The following PLCB4 variants were observed in gnomAD, a reference collection of about 807,000 sequenced individuals.
PLCB4 encodes 1-phosphatidylinositol 4,5-bisphosphate phosphodiesterase beta-4.
PLCB4 carries 77 observed loss-of-function variants against 178.8 expected under a neutral mutation model. That is an observed-to-expected ratio of 0.43 (90% CI 0.36 to 0.52). The LOEUF (loss-of-function observed/expected upper bound fraction) is 0.52. Ranked by LOEUF, PLCB4 falls within the 20% of genes least tolerant of loss-of-function variation. PLCB4 has a pLI of 0.00. For missense variants in PLCB4, 1,024 were observed against 1,453.4 expected (o/e 0.70, Z 4.80); for synonymous variants, 496 against 490.8 (o/e 1.01, Z -0.14).
chr20:9,265,131 G>A (rs558742095), intron 3 of PLCB4, among the ~76,000 whole-genome samples: 4 of 152,152 alleles, frequency 2.6e-5, no homozygotes, highest in Non-Finnish European at 4.4e-5. Context: ...ACCAAAATCT[G>A]TTCAGTGTTG....
At chr20:9,333,191 GT>G (rs2031952397) in intron 4 of PLCB4, among the ~76,000 whole-genome samples, 1 of 152,086 alleles carries the variant, frequency 6.6e-6, no homozygotes, top group South Asian at 2.1e-4. Flanking sequence ...TAATTTGTTA[GT>G]TTTATGGTGC....
At chr20:9,232,605 T>C (rs2093945309) in intron 3 of PLCB4, among the ~76,000 whole-genome samples, 1 of 152,158 alleles carries the variant, frequency 6.6e-6, no homozygotes, top group Admixed American at 6.6e-5. Flanking sequence ...TTCACTTATT[T>C]AGTTGAATTA....
At chr20:9,408,426 A>T (rs578152868) in intron 22 of PLCB4, among the ~76,000 whole-genome samples, 1 of 152,354 alleles carries the variant, frequency 6.6e-6, no homozygotes, top group Admixed American at 6.5e-5. Flanking sequence ...CATCATTATC[A>T]TCAAAAATTC....
intron 2 of PLCB4, among the ~76,000 whole-genome samples, chr20:9,121,454 C>T (rs572926552): frequency 3.7e-4 from 57 of 152,224 alleles, no homozygotes; most frequent in African/African-American, 1.3e-3. Flanking sequence ...CCATTCTCCA[C>T]CCTTTAATTT....
chr20:9,432,192 T>C (rs2041466839), intron 28 of PLCB4, among the ~76,000 whole-genome samples: 1 of 152,234 alleles, frequency 6.6e-6, no homozygotes, highest in Admixed American at 6.5e-5. Context: ...TATGTATTCA[T>C]GTGCAAAAAT....
intron 36 of PLCB4, among the ~76,000 whole-genome samples, chr20:9,470,901 A>T (rs948949686): frequency 3.9e-5 from 6 of 152,190 alleles, no homozygotes; most frequent in Non-Finnish European, 5.9e-5. Context: ...GCTGTTTTTT[A>T]AAAAATAATT....
intron 3 of PLCB4, among the ~76,000 whole-genome samples, chr20:9,294,081 T>A (rs1414695722): frequency 6.6e-6 from 1 of 152,190 alleles, no homozygotes; most frequent in African/African-American, 2.4e-5. Flanking sequence ...TCTCCTCAGC[T>A]CATTTGTCAA....
chr20:9,263,908 C>T (rs1381085485), intron 3 of PLCB4, among the ~76,000 whole-genome samples: 1 of 152,174 alleles, frequency 6.6e-6, no homozygotes, highest in Non-Finnish European at 1.5e-5. Context: ...AGGCAAGTAT[C>T]AGCAAGTTCA....
chr20:9,145,160 A>T (rs184761995), intron 2 of PLCB4, among the ~76,000 whole-genome samples: 5 of 152,118 alleles, frequency 3.3e-5, no homozygotes, highest in African/African-American at 1.2e-4. Context: ...ATATTTCTCC[A>T]GTATGTTTTT....
intron 3 of PLCB4, among the ~76,000 whole-genome samples, chr20:9,246,094 CTTAATA>C (rs2094122582): frequency 6.6e-6 from 1 of 152,144 alleles, no homozygotes; most frequent in Non-Finnish European, 1.5e-5. Context: ...CTCTTTTTCA[CTTAATA>C]TGACAAAACA....
intron 2 of PLCB4, among the ~76,000 whole-genome samples, chr20:9,198,539 A>C (rs907802849): frequency 6.6e-6 from 1 of 152,198 alleles, no homozygotes; most frequent in Non-Finnish European, 1.5e-5. Flanking sequence ...ACTAATGTGA[A>C]AGGAGAATGG....
intron 20 of PLCB4, among the ~76,000 whole-genome samples, chr20:9,403,503 C>CA (rs200728593): frequency 1.5e-4 from 23 of 151,566 alleles, no homozygotes; most frequent in East Asian, 1.4e-3. Flanking sequence ...TTTAGTTGAG[C>CA]AAAAAAAACA....
At chr20:9,299,296 A>G (rs928684858) in intron 3 of PLCB4, among the ~76,000 whole-genome samples, 2 of 152,092 alleles carry the variant, frequency 1.3e-5, no homozygotes, top group African/African-American at 4.8e-5. Context: ...CATTTGCTTT[A>G]GAAAATATTT....
chr20:9,402,623 G>A (rs933325646), intron 20 of PLCB4, among the ~76,000 whole-genome samples: 1 of 152,198 alleles, frequency 6.6e-6, no homozygotes, highest in Non-Finnish European at 1.5e-5. Context: ...GTGAGGACAG[G>A]CTGCTGCTCT....
chr20:9,095,577 T>C (rs559009328), intron 1 of PLCB4, among the ~76,000 whole-genome samples: 2 of 152,294 alleles, frequency 1.3e-5, no homozygotes, highest in East Asian at 3.9e-4. Flanking sequence ...ATATGTAAAG[T>C]TAAAATAATT....
Position 9,423,973 on chromosome 20 carries a change from C to T in PLCB4, c.2524+21C>T, listed in dbSNP as rs771733756. ...TGGAGGTAAGATAAACATTTGGGTA[C>T]GGAATATGATATAGATGAGGTCCTA... On this transcript the variant is annotated intron_variant, in intron 28 of 39. Transcript: ENST00000378473. The T allele has an allele frequency of 6.7e-5, 96 of 1,442,376 alleles. 1 individual carries two copies. The highest frequency in any genetic ancestry group is 6.6e-4 in the South Asian group (58 of 87,542). 89.3% of individuals were successfully genotyped at this position (1,442,376 alleles called of 1,614,324 possible).
At chr20:9,293,918 A>G (rs947370609) in intron 3 of PLCB4, among the ~76,000 whole-genome samples, 2 of 152,122 alleles carry the variant, frequency 1.3e-5, no homozygotes, top group African/African-American at 2.4e-5. Flanking sequence ...GAAAAGAGAA[A>G]TGTGCAAAAT....
At chr20:9,267,424 T>C (rs896982633) in intron 3 of PLCB4, among the ~76,000 whole-genome samples, 10 of 152,164 alleles carry the variant, frequency 6.6e-5, no homozygotes, top group African/African-American at 2.4e-4. Flanking sequence ...ATTACTTCTT[T>C]TCTTCTGTGG....
chr20:9,310,040 G>A (rs997947287), intron 4 of PLCB4, among the ~76,000 whole-genome samples: 9 of 152,116 alleles, frequency 5.9e-5, no homozygotes, highest in African/African-American at 1.9e-4. Context: ...GCAAACATGC[G>A]TCTTCATGAT....
Sources: gnomAD v4.1 joint callset for allele counts (sites outside exome capture counted in the v4.1 genomes callset) on GRCh38, gnomAD v4.1.1 for gene constraint, MANE v1.5 for transcripts, NCBI Gene and HGNC (gene_info 2026-07-23, HGNC 2026-07-21) for gene names.